The following ADAMTS18 variants were observed in gnomAD, a reference collection of about 807,000 sequenced individuals.
ADAMTS18 encodes the protein A disintegrin and metalloproteinase with thrombospondin motifs 18.
Under a neutral mutation model 165.9 loss-of-function variants are expected in ADAMTS18, and 157 were observed. The observed-to-expected ratio is 0.95, with a 90% CI of 0.83 to 1.08. The LOEUF is 1.08. ADAMTS18 is among the 50% of genes least tolerant of loss of function. The pLI is 0.00. For synonymous variants in ADAMTS18, 782 were observed against 578.2 expected, an observed-to-expected ratio of 1.35 and a Z score of -5.06; for missense variants, 2,040 against 1,534.0, an observed-to-expected ratio of 1.33 and a Z score of -5.51.
intron 10 of ADAMTS18, among the ~76,000 whole-genome samples, chr16:77,347,467 T>C (rs1431753522): frequency 6.6e-6 from 1 of 152,210 alleles, no homozygotes; most frequent in Non-Finnish European, 1.5e-5. Context: ...CGGTATCATT[T>C]GGTATTGTCA....
intron 3 of ADAMTS18, among the ~76,000 whole-genome samples, chr16:77,411,504 T>C (rs1362984267): frequency 2.6e-5 from 4 of 152,072 alleles, no homozygotes; most frequent in African/African-American, 7.2e-5. Flanking sequence ...CTCATGACAC[T>C]AGCCATCTAG....
At chr16:77,313,314 A>G (rs1233458908) in intron 16 of ADAMTS18, among the ~76,000 whole-genome samples, 7 of 152,082 alleles carry the variant, frequency 4.6e-5, no homozygotes, top group East Asian at 1.9e-4. Context: ...GCAGGGGGGA[A>G]GGATAGCATT....
chr16:77,433,763 A>C (rs1003600590), intron 2 of ADAMTS18, among the ~76,000 whole-genome samples: 1 of 152,212 alleles, frequency 6.6e-6, no homozygotes, highest in African/African-American at 2.4e-5. Flanking sequence ...AGCTGATGGG[A>C]AACAATCAAA....
intron 8 of ADAMTS18, among the ~76,000 whole-genome samples, chr16:77,357,321 T>C (rs2056646332): frequency 1.3e-5 from 2 of 152,176 alleles, no homozygotes; most frequent in Non-Finnish European, 2.9e-5. Context: ...AACTGTATGC[T>C]ATCCTATCAG....
At chr16:77,408,520 G>T (rs762869733) in intron 3 of ADAMTS18, among the ~76,000 whole-genome samples, 1 of 152,124 alleles carries the variant, frequency 6.6e-6, no homozygotes, top group South Asian at 2.1e-4. Flanking sequence ...GAAGAAACGA[G>T]AATAAACTAC....
At chr16:77,320,117 T>C (rs1274444731) in intron 15 of ADAMTS18, 24 bp from the exon 16 acceptor site, 1 of 1,613,950 alleles carries the variant, frequency 6.2e-7, no homozygotes, top group Non-Finnish European at 8.5e-7. Context: ...AGAGAACATG[T>C]CTGAATTCCA....
intron 5 of ADAMTS18, 94 bp downstream of exon 5, chr16:77,364,094 C>A: frequency 1.3e-6 from 2 of 1,510,066 alleles, no homozygotes; most frequent in Non-Finnish European, 1.8e-6. Flanking sequence ...ACATTTGCAC[C>A]GACCTAATAC....
chr16:77,348,367 A>G (rs1222421739), intron 10 of ADAMTS18, among the ~76,000 whole-genome samples: 2 of 152,226 alleles, frequency 1.3e-5, no homozygotes, highest in Non-Finnish European at 2.9e-5. Context: ...GCATTAGACC[A>G]ACTATCCCTT....
chr16:77,317,356 G>C lies in ADAMTS18; in HGVS notation c.2532+2493C>G, dbSNP rs548875717. On this transcript the variant is annotated intron_variant, in intron 16 of 22. Coordinates refer to ENST00000282849, the MANE Select transcript of ADAMTS18 (RefSeq NM_199355.4). ...AGTGATTTCTTTTGTTTGAGATGGAGTCTCACTCACTCTTTTGCCCAGGCT... is the reference window on the plus strand; with the variant it reads ...AGTGATTTCTTTTGTTTGAGATGGACTCTCACTCACTCTTTTGCCCAGGCT... Among the ~76,000 whole-genome samples the C allele has an allele frequency of 2.0e-5, 3 of 152,168 alleles. No individual in the cohort carries two copies. The South Asian group carries it at 6.2e-4, about 32-fold the overall frequency.
In ADAMTS18 at chr16:77,431,332, C is replaced by G; in HGVS notation, c.458G>C (p.Ser153Thr). The G allele has an allele frequency of 1.2e-6, 2 of 1,614,156 alleles. No individual in the cohort carries two copies. Among genetic ancestry groups the G allele is most frequent in the Non-Finnish European group, 1.7e-6 (2 of 1,180,030 alleles). The change falls in exon 3 of 23, where the codon AGC (serine) becomes ACC (threonine). Residue 153 changes from serine to threonine, a missense_variant. Ser to Thr is a moderately conservative substitution (Grantham distance 58). Coordinates refer to ENST00000282849, the MANE Select transcript of ADAMTS18 (RefSeq NM_199355.4). ...CFYQGFIRND[S>T]SSSVAVSTCA... ...CGTAGACACAGCGACAGAGGAGGAG[C>G]TGTCATTTCTGATAAATCCCTGATA...
chr16:77,319,818 A>G (rs1377850849), intron 16 of ADAMTS18, 31 bp downstream of exon 16: 1 of 1,613,808 alleles, frequency 6.2e-7, no homozygotes, highest in East Asian at 2.2e-5. Context: ...AGCAAGAAGC[A>G]CTGAGAACTG....
intron 16 of ADAMTS18, among the ~76,000 whole-genome samples, chr16:77,318,413 C>A (rs1361630560): frequency 1.3e-5 from 2 of 152,160 alleles, no homozygotes; most frequent in African/African-American, 4.8e-5. Flanking sequence ...GACTTACGTT[C>A]AAACCTCAGT....
chr16:77,414,401 G>C (rs997918913), intron 3 of ADAMTS18, among the ~76,000 whole-genome samples: 1 of 152,134 alleles, frequency 6.6e-6, no homozygotes, highest in Non-Finnish European at 1.5e-5. Context: ...GGACTCTGAA[G>C]ACTCATGTGA....
intron 3 of ADAMTS18, among the ~76,000 whole-genome samples, chr16:77,390,407 CCTTG>C (rs2057169278): frequency 2.0e-5 from 3 of 152,020 alleles, no homozygotes; most frequent in African/African-American, 7.2e-5. Context: ...ATCACCCCGC[CCTTG>C]CCAGGTGCGA....
At chr16:77,390,757 A>T (rs1421191740) in intron 3 of ADAMTS18, among the ~76,000 whole-genome samples, 1 of 151,808 alleles carries the variant, frequency 6.6e-6, no homozygotes. Flanking sequence ...CACTCCCTTT[A>T]CCCCACCTGG....
chr16:77,323,809 C>G (rs1034611222), intron 13 of ADAMTS18, among the ~76,000 whole-genome samples: 3 of 152,174 alleles, frequency 2.0e-5, no homozygotes, highest in Admixed American at 1.3e-4. Context: ...TCTCCCTCCA[C>G]TGAGAGGTAA....
chr16:77,299,061 G>A (rs1200842493), intron 17 of ADAMTS18, among the ~76,000 whole-genome samples: 3 of 152,182 alleles, frequency 2.0e-5, no homozygotes, highest in African/African-American at 7.2e-5. Context: ...TGGAATACCA[G>A]AAAGCTATTG....
intron 5 of ADAMTS18, 66 bp downstream of exon 5, chr16:77,364,122 T>C (rs756613113): frequency 8.8e-6 from 14 of 1,599,764 alleles, no homozygotes; most frequent in South Asian, 2.2e-5. Context: ...ATTCAACCCA[T>C]GCAAGAGAAT....
At chr16:77,322,309 C>G (rs368641657) in intron 14 of ADAMTS18, 27 bp downstream of exon 14, 29 of 1,613,360 alleles carry the variant, frequency 1.8e-5, no homozygotes, top group Non-Finnish European at 2.3e-5. Flanking sequence ...CATGCTCATA[C>G]ACTCCAAAGC....
Sources: allele counts gnomAD v4.1 joint callset (sites outside exome capture counted in the v4.1 genomes callset), GRCh38; gene constraint gnomAD v4.1.1; transcripts MANE v1.5; gene names NCBI Gene and HGNC (gene_info 2026-07-23, HGNC 2026-07-21).